AWAT1: variants seen among roughly 807,000 people sequenced by gnomAD.
The protein encoded by AWAT1 is diacyl-glycerol acyltransferase 2.
A neutral mutation model predicts 21.6 loss-of-function variants in AWAT1; 26 were observed. That is an observed-to-expected ratio of 1.20 (90% confidence interval 0.88 to 1.67). AWAT1 has a LOEUF of 1.67. Ranked by LOEUF, AWAT1 falls within the 40% of genes most tolerant of loss-of-function variation. The probability of loss-of-function intolerance (pLI) is 0.00; values close to 1 mark genes in which losing one functional copy is unlikely to be tolerated. For missense variants in AWAT1, 264 were observed against 249.4 expected (o/e 1.06, Z -0.39); for synonymous variants, 102 against 99.3 (o/e 1.03, Z -0.16).
Position 70,239,933 on chromosome X carries a change from G to T in AWAT1, c.831G>T (p.Val277=), listed in dbSNP as rs2085531009. 1 of 1,204,862 alleles carries T rather than the reference G, an allele frequency of 8.3e-7. No homozygotes were observed. The highest frequency in any genetic ancestry group is 2.2e-5 in the Admixed American group (1 of 45,650). The stretch of plus-strand genomic sequence containing the variant: ...CATACTCCAGGCCTATTGTCACTGT[G>T]GGTGAGTGCCACTCTCAGCCCCAGT... ...LLPYSRPIVT[V]VGEPLPLPQI... The change falls in exon 6 of 7, where the codon GTG becomes GTT. Residue 277 remains valine (V), a splice_region_variant and synonymous_variant. Coordinates refer to ENST00000374521, the MANE Select transcript of AWAT1 (RefSeq NM_001013579.3).
chrX:70,238,432 T>G, intron 5 of AWAT1, 49 bp downstream of exon 5: 1 of 1,099,498 alleles, frequency 9.1e-7, no homozygotes, highest in Non-Finnish European at 1.2e-6. Context: ...CTGAGCAGCA[T>G]GACCCTGTCG....
At chrX:70,238,144 C>A in intron 4 of AWAT1, 68 bp from the exon 5 acceptor site, 1 of 1,042,664 alleles carries the variant, frequency 9.6e-7, no homozygotes, top group Non-Finnish European at 1.3e-6. Flanking sequence ...CAGTGAAGAG[C>A]AGAGAAGAGT....
At chrX:70,236,937 G>A (rs2085516766) in intron 3 of AWAT1, 107 bp from the exon 4 acceptor site, 1 of 717,652 alleles carries the variant, frequency 1.4e-6, no homozygotes, top group Non-Finnish European at 2.1e-6. Context: ...GAAATCTGTT[G>A]GAAAGCTCTG....
chrX:70,239,521 G>A (rs972173695), intron 5 of AWAT1, among the ~76,000 whole-genome samples: 5 of 111,853 alleles, frequency 4.5e-5, no homozygotes, highest in African/African-American at 1.3e-4. Context: ...TCGTGCCCTT[G>A]TAATCCTGGC....
Position 70,235,826 on chromosome X carries a change from A to T in AWAT1, c.184+3A>T. 8.5e-7 allele frequency: 1 copy of T among 1,182,917 alleles called. No individual in the cohort carries two copies. Among genetic ancestry groups the T allele is most frequent in the Non-Finnish European group, 1.2e-6 (1 of 869,442 alleles). The stretch of plus-strand genomic sequence containing the variant: ...GGACTGGAAGACCCCAGAGCGAGGT[A>T]AGACTCACAGACCTAGAAAGAAGAA... On this transcript the variant is annotated splice_donor_region_variant and intron_variant, in intron 2 of 6. Coordinates refer to ENST00000374521, the MANE Select transcript of AWAT1 (RefSeq NM_001013579.3).
intron 2 of AWAT1, 76 bp from the exon 3 acceptor site, chrX:70,235,993 T>C: frequency 1.0e-6 from 1 of 989,336 alleles, no homozygotes. Flanking sequence ...AGAGCCATGC[T>C]AGGGAATCCC....
rs1255499608 is a variant in AWAT1 at position 70,238,257 on chromosome X, A to G, written c.506A>G (p.His169Arg). 1.2e-5 allele frequency: 14 copies of G among 1,209,380 alleles called. No homozygotes were observed. The highest frequency in any genetic ancestry group is 1.7e-5 in the African/African-American group (1 of 57,237). The stretch of plus-strand genomic sequence containing the variant: ...CCAGCCATCAACTATCTGCTGAGCC[A>G]TGGCACTGGCAACCTCGTGGGCATT... ...SQPAINYLLS[H>R]GTGNLVGIVV... The change falls in exon 5 of 7, where the codon CAT becomes CGT. Residue 169 changes from histidine (H) to arginine (R), a missense_variant. His to Arg is a conservative substitution (Grantham distance 29). Coordinates refer to ENST00000374521, the MANE Select transcript of AWAT1 (RefSeq NM_001013579.3).
chrX:70,236,427 A>G (rs532580641), intron 3 of AWAT1, among the ~76,000 whole-genome samples: 1 of 112,286 alleles, frequency 8.9e-6, no homozygotes, highest in Middle Eastern at 4.6e-3. Flanking sequence ...TTAGCAGTAC[A>G]GAGAAATGAA....
At chrX:70,238,033 GC>G (rs757920550) in intron 4 of AWAT1, among the ~76,000 whole-genome samples, 178 bp from the exon 5 acceptor site, 3 of 109,961 alleles carry the variant, frequency 2.7e-5, no homozygotes, top group Non-Finnish European at 5.7e-5. Context: ...TGAAGATATT[GC>G]CTCATTGTGA....
rs963144948 is a variant in AWAT1, at chrX:70,238,332, C to A, written c.581C>A (p.Thr194Asn). ...CTGCAAAGTGTGCCCAACACCACCA[C>A]CCTCATCCTCCAGAAGCGCAAGGGG... ...EALQSVPNTT[T>N]LILQKRKGFV... The change falls in exon 5 of 7, where the codon ACC becomes AAC. Residue 194 changes from threonine (T) to asparagine (N), a missense_variant. Coordinates refer to ENST00000374521, the MANE Select transcript of AWAT1 (RefSeq NM_001013579.3). The A allele has an allele frequency of 4.1e-6, 5 of 1,207,181 alleles. No individual in the cohort carries two copies. Among genetic ancestry groups the A allele is most frequent in the Non-Finnish European group, 5.6e-6 (5 of 893,162 alleles).
Position 70,240,594 on chromosome X carries a change from A to G in AWAT1, c.*304A>G, listed in dbSNP as rs1800763175. 1 of 260,129 alleles carries G rather than the reference A, an allele frequency of 3.8e-6. No individual in the cohort carries two copies. Among genetic ancestry groups the G allele is most frequent in the Admixed American group, 5.9e-5 (1 of 16,894 alleles). The allele number at this position is 260,129 out of a possible 1,213,427, so 21.4% of individuals were successfully genotyped here. On this transcript the variant is annotated 3_prime_UTR_variant, in exon 7 of 7. Coordinates refer to ENST00000374521, the MANE Select transcript of AWAT1 (RefSeq NM_001013579.3). ...TGCATATTCCCCCAGCCCCTGGGCAACTATCTACTTTCTGTCTCTGTGGAT... is the reference window on the plus strand; with the variant it reads ...TGCATATTCCCCCAGCCCCTGGGCAGCTATCTACTTTCTGTCTCTGTGGAT...
Position 70,239,904 on chromosome X carries a change from C to T in AWAT1, c.802C>T (p.Leu268=), listed in dbSNP as rs2085530810. 1 of 1,208,412 alleles carries T rather than the reference C, an allele frequency of 8.3e-7. No individual in the cohort carries two copies. Among genetic ancestry groups the T allele is most frequent in the African/African-American group, 1.8e-5 (1 of 56,925 alleles). Residue 268 remains leucine (L), a synonymous_variant, in exon 6 of 7, where the codon CTG becomes TTG. Transcript: ENST00000374521. ...QSFCQGSTGL[L]PYSRPIVTVV... ...CTTCTGTCAAGGCTCCACTGGGCTC[C>T]TGCCATACTCCAGGCCTATTGTCAC...
chrX:70,237,544 G>A (rs1490611850), intron 4 of AWAT1, among the ~76,000 whole-genome samples: 1 of 109,573 alleles, frequency 9.1e-6, no homozygotes, highest in Non-Finnish European at 1.9e-5. Flanking sequence ...TAAAGAATTC[G>A]ACACTGGCCA....
intron 4 of AWAT1, among the ~76,000 whole-genome samples, chrX:70,238,004 C>T (rs189626938): frequency 2.7e-5 from 3 of 109,572 alleles, no homozygotes; most frequent in African/African-American, 9.9e-5. Flanking sequence ...CCGGTTTTGG[C>T]TCAGTGCCTC....
Position 70,240,084 on chromosome X carries a change from G to A in AWAT1, c.833-52G>A, listed in dbSNP as rs767145587. 1.7e-4 allele frequency: 207 copies of A among 1,184,829 alleles called. 2 individuals are homozygous for A. The African/African-American group carries it at 2.4e-3, about 14-fold the overall frequency. On this transcript the variant is annotated intron_variant, in intron 6 of 6. Transcript: ENST00000374521. Reference sequence around the variant, plus strand: ...CCAAGGTAGGAGAGGGAGGTTAAAGGAAGAGGAGGTCCTAACACTTTCCTC... The same window carrying A: ...CCAAGGTAGGAGAGGGAGGTTAAAGAAAGAGGAGGTCCTAACACTTTCCTC...
chrX:70,239,935 G>C lies in AWAT1; in HGVS notation c.832+1G>C, dbSNP rs776949352. ...TACTCCAGGCCTATTGTCACTGTGG[G>C]TGAGTGCCACTCTCAGCCCCAGTGC... is the stretch of plus-strand genomic sequence containing the variant. On this transcript the variant is annotated splice_donor_variant, in intron 6 of 6. Transcript: ENST00000374521. LOFTEE classifies it high-confidence loss of function. The C allele has an allele frequency of 8.3e-7, 1 of 1,206,014 alleles. No individual in the cohort carries two copies. Among genetic ancestry groups the C allele is most frequent in the Admixed American group, 2.2e-5 (1 of 46,001 alleles).
chrX:70,239,015 T>G (rs1381936147), intron 5 of AWAT1, among the ~76,000 whole-genome samples: 1 of 112,628 alleles, frequency 8.9e-6, no homozygotes, highest in East Asian at 2.8e-4. Flanking sequence ...AATTGTCGTA[T>G]TGCAGACCTA....
At chrX:70,239,323 C>CA (rs1411471634) in intron 5 of AWAT1, among the ~76,000 whole-genome samples, 1 of 112,763 alleles carries the variant, frequency 8.9e-6, no homozygotes, top group Non-Finnish European at 1.9e-5. Context: ...TTCTTTCCCT[C>CA]ACGGAATTTG....
At chrX:70,239,638 T>A in intron 5 of AWAT1, 97 bp from the exon 6 acceptor site, 1 of 795,703 alleles carries the variant, frequency 1.3e-6, no homozygotes, top group South Asian at 2.2e-5. Context: ...CAGGATTTCA[T>A]CAAAATAGAT....
Sources: allele counts gnomAD v4.1 joint callset (sites outside exome capture counted in the v4.1 genomes callset), GRCh38; gene constraint gnomAD v4.1.1; transcripts MANE v1.5; gene names NCBI Gene and HGNC (gene_info 2026-07-23, HGNC 2026-07-21).